SDK1: variants seen among roughly 807,000 people sequenced by gnomAD.
SDK1 encodes the protein sidekick cell adhesion molecule 1, also known as protein sidekick-1.
Under a neutral mutation model 245.5 loss-of-function variants are expected in SDK1, and 157 were observed. The observed-to-expected ratio is 0.64, with a 90% CI of 0.56 to 0.73. The LOEUF (loss-of-function observed/expected upper bound fraction) is 0.73, where lower values mean the gene tolerates loss of function less well. SDK1 is among the 30% of genes least tolerant of loss of function. The pLI is 0.00. For missense variants in SDK1, 3,583 were observed against 3,002.3 expected, an observed-to-expected ratio of 1.19 and a Z score of -4.52; for synonymous variants, 1,647 against 1,278.5, an observed-to-expected ratio of 1.29 and a Z score of -6.15.
chr7:3,522,457 A>G (rs1328186285), intron 1 of SDK1, among the ~76,000 whole-genome samples: 1 of 152,184 alleles, frequency 6.6e-6, no homozygotes, highest in Non-Finnish European at 1.5e-5. Flanking sequence ...CCCACAGCTT[A>G]AAATAACTCA....
At chr7:3,932,270 C>G (rs1780003425) in intron 5 of SDK1, among the ~76,000 whole-genome samples, 1 of 152,190 alleles carries the variant, frequency 6.6e-6, no homozygotes, top group Non-Finnish European at 1.5e-5. Context: ...CTTAGCTGTG[C>G]TTTTGTGCAC....
chr7:3,631,172 G>A (rs760071803), intron 2 of SDK1, among the ~76,000 whole-genome samples: 23 of 152,134 alleles, frequency 1.5e-4, no homozygotes, highest in African/African-American at 4.1e-4. Flanking sequence ...GGGCTCAAGC[G>A]ATCCACCCAC....
At chr7:3,598,036 A>G (rs1326372641) in intron 1 of SDK1, among the ~76,000 whole-genome samples, 3 of 152,126 alleles carry the variant, frequency 2.0e-5, no homozygotes, top group Admixed American at 2.0e-4. Context: ...TGGTTGTACC[A>G]TTTTTACATG....
chr7:3,306,264 A>G (rs1445783294), intron 1 of SDK1, among the ~76,000 whole-genome samples: 1 of 152,196 alleles, frequency 6.6e-6, no homozygotes, highest in East Asian at 1.9e-4. Flanking sequence ...AACCCCTTCC[A>G]TCTACACATT....
chr7:3,464,698 G>GTATATATATATATATATATATATATA (rs141577885), intron 1 of SDK1, among the ~76,000 whole-genome samples: 1 of 148,048 alleles, frequency 6.8e-6, no homozygotes, highest in African/African-American at 2.5e-5. Context: ...GTGTATGTAT[G>GTATATATATATATATATATATATATA]TATATATATA....
intron 43 of SDK1, among the ~76,000 whole-genome samples, chr7:4,244,447 C>T (rs765316536): frequency 2.0e-5 from 3 of 152,204 alleles, no homozygotes; most frequent in Admixed American, 1.3e-4. Flanking sequence ...TGTGAAAATT[C>T]AGCAATGTTG....
chr7:3,762,885 T>G (rs773756294), intron 4 of SDK1, among the ~76,000 whole-genome samples: 10 of 152,244 alleles, frequency 6.6e-5, no homozygotes, highest in Non-Finnish European at 1.3e-4. Flanking sequence ...TGAGGTTGCC[T>G]ACAGGTTTTT....
rs192588253 is a variant in SDK1 at position 3,398,090 on chromosome 7, A to T, written c.298+96206A>T. ...GGCTTGTAGGTTTAACGTTTTCTAT[A>T]ACTGTAGGTTTAACGTTTTCTGTAA... is the stretch of plus-strand genomic sequence containing the variant. On this transcript the variant is annotated intron_variant, in intron 1 of 44. Coordinates refer to ENST00000404826, the MANE Select transcript of SDK1 (RefSeq NM_152744.4). Among the ~76,000 whole-genome samples the T allele has an allele frequency of 3.7e-3, 563 of 152,106 alleles. 8 individuals are homozygous for T. The highest frequency in any genetic ancestry group is 0.012 in the Admixed American group (181 of 15,276).
At chr7:3,554,893 G>A (rs554794784) in intron 1 of SDK1, among the ~76,000 whole-genome samples, 1 of 152,198 alleles carries the variant, frequency 6.6e-6, no homozygotes, top group East Asian at 1.9e-4. Flanking sequence ...AAAAATCCCT[G>A]TAAGGAAAAC....
intron 5 of SDK1, among the ~76,000 whole-genome samples, chr7:3,946,967 T>A (rs1780601988): frequency 6.6e-6 from 1 of 152,264 alleles, no homozygotes; most frequent in Non-Finnish European, 1.5e-5. Context: ...ACTCCGTGTC[T>A]TAACAATATG....
rs559576035 is a variant in SDK1 at position 4,236,894 on chromosome 7, C to T, written c.5993-753C>T. Reference sequence around the variant, plus strand: ...TCCATCCTCACTTTAACCCACACAACGTTTTTGTTTGCTGCCTTGCTTGTT... The same window carrying T: ...TCCATCCTCACTTTAACCCACACAATGTTTTTGTTTGCTGCCTTGCTTGTT... On this transcript the variant is annotated intron_variant, in intron 41 of 44. Coordinates refer to ENST00000404826, the MANE Select transcript of SDK1 (RefSeq NM_152744.4). Among the ~76,000 whole-genome samples, 6 of 152,202 alleles carry T rather than the reference C, an allele frequency of 3.9e-5. No homozygotes were observed. The East Asian group carries it at 9.7e-4, about 25-fold the overall frequency.
chr7:3,915,073 C>T (rs537218255), intron 5 of SDK1, among the ~76,000 whole-genome samples: 3 of 152,124 alleles, frequency 2.0e-5, no homozygotes, highest in East Asian at 1.9e-4. Flanking sequence ...CTTGTACGGC[C>T]GTGGAATCTG....
intron 4 of SDK1, among the ~76,000 whole-genome samples, chr7:3,747,898 T>C (rs535588184): frequency 6.6e-5 from 10 of 151,968 alleles, no homozygotes; most frequent in East Asian, 1.9e-4. Flanking sequence ...TCTGGAGATA[T>C]AGGAAGGGGT....
chr7:3,313,711 A>G (rs1191736588), intron 1 of SDK1, among the ~76,000 whole-genome samples: 1 of 152,176 alleles, frequency 6.6e-6, no homozygotes, highest in East Asian at 1.9e-4. Context: ...ACAAAATTTC[A>G]TTTAGAAGGA....
intron 5 of SDK1, among the ~76,000 whole-genome samples, chr7:3,826,584 GTTAGT>G (rs998985585): frequency 1.3e-5 from 2 of 152,168 alleles, no homozygotes; most frequent in African/African-American, 4.8e-5. Flanking sequence ...CTTTGTGAGA[GTTAGT>G]TTAGATAAAA....
intron 17 of SDK1, among the ~76,000 whole-genome samples, chr7:4,045,862 T>C (rs185606242): frequency 1.3e-5 from 2 of 152,338 alleles, no homozygotes; most frequent in East Asian, 1.9e-4. Flanking sequence ...CTATTGGCTT[T>C]GGTGAAGTAA....
intron 4 of SDK1, among the ~76,000 whole-genome samples, chr7:3,653,056 C>A (rs1783058055): frequency 6.6e-6 from 1 of 152,200 alleles, no homozygotes; most frequent in Non-Finnish European, 1.5e-5. Context: ...ACTTCTCCCC[C>A]ACTTGGAAGG....
At chr7:3,881,367 T>G (rs1324312709) in intron 5 of SDK1, among the ~76,000 whole-genome samples, 1 of 152,206 alleles carries the variant, frequency 6.6e-6, no homozygotes, top group African/African-American at 2.4e-5. Flanking sequence ...GGTTTTCTGT[T>G]CCTGCGTTGG....
At chr7:3,868,124 G>A (rs1268683810) in intron 5 of SDK1, among the ~76,000 whole-genome samples, 1 of 152,186 alleles carries the variant, frequency 6.6e-6, no homozygotes, top group East Asian at 1.9e-4. Flanking sequence ...CAAAAGAAAT[G>A]ACCCAAAGGA....
Sources: gnomAD v4.1 joint callset for allele counts (sites outside exome capture counted in the v4.1 genomes callset) on GRCh38, gnomAD v4.1.1 for gene constraint, MANE v1.5 for transcripts, NCBI Gene and HGNC (gene_info 2026-07-23, HGNC 2026-07-21) for gene names.